Variants in AUTS2 observed in about 807,000 individuals in gnomAD.
The protein encoded by AUTS2 is autism susceptibility gene 2 protein.
AUTS2 carries 17 observed loss-of-function variants against 112.4 expected under a neutral mutation model. That is an observed-to-expected ratio of 0.15 (90% confidence interval 0.10 to 0.23). The LOEUF (loss-of-function observed/expected upper bound fraction) is 0.23. Ranked by LOEUF, AUTS2 falls within the 10% of genes least tolerant of loss-of-function variation. The pLI is 1.00. For missense variants in AUTS2, 1,510 were observed against 1,701.6 expected, an observed-to-expected ratio of 0.89 and a Z score of 1.98; for synonymous variants, 751 against 702.7, an observed-to-expected ratio of 1.07 and a Z score of -1.09.
At chr7:70,055,819 G>T (rs1179733056) in intron 2 of AUTS2, among the ~76,000 whole-genome samples, 1 of 152,050 alleles carries the variant, frequency 6.6e-6, no homozygotes, top group African/African-American at 2.4e-5. Flanking sequence ...CAGTCTGTTA[G>T]TCAGATGTAC....
chr7:69,703,250 A>G (rs894575703), intron 1 of AUTS2, among the ~76,000 whole-genome samples: 2 of 152,222 alleles, frequency 1.3e-5, no homozygotes, highest in African/African-American at 4.8e-5. Context: ...CTGCTGTGCA[A>G]ACCCAGAGGC....
intron 4 of AUTS2, among the ~76,000 whole-genome samples, chr7:70,323,704 G>A (rs981918177): frequency 2.0e-5 from 3 of 152,174 alleles, no homozygotes; most frequent in Non-Finnish European, 4.4e-5. Context: ...AGAGATAAAT[G>A]TGAATTCTGT....
intron 3 of AUTS2, among the ~76,000 whole-genome samples, chr7:70,122,795 A>T (rs539434955): frequency 6.7e-6 from 1 of 149,438 alleles, no homozygotes; most frequent in Admixed American, 6.7e-5. Context: ...TCCCTCACTC[A>T]TGTGCAGGTC....
intron 2 of AUTS2, among the ~76,000 whole-genome samples, chr7:69,994,011 G>A (rs1460608183): frequency 1.3e-5 from 2 of 152,080 alleles, no homozygotes; most frequent in Non-Finnish European, 2.9e-5. Context: ...AGAAAGTCTC[G>A]CTTGTGATGG....
chr7:70,435,207 G>A (rs1394893364), intron 4 of AUTS2, among the ~76,000 whole-genome samples: 1 of 152,226 alleles, frequency 6.6e-6, no homozygotes, highest in Non-Finnish European at 1.5e-5. Flanking sequence ...GCCATCACAA[G>A]TGGTGAGCCT....
chr7:70,290,743 T>C, intron 4 of AUTS2: 3 of 1,012,614 alleles, frequency 3.0e-6, no homozygotes, highest in Non-Finnish European at 2.6e-6. Context: ...GGCATTAAGC[T>C]ATGACTGTAA....
intron 1 of AUTS2, among the ~76,000 whole-genome samples, chr7:69,885,425 A>G: frequency 6.6e-6 from 1 of 152,222 alleles, no homozygotes. Flanking sequence ...TGAATTTTTC[A>G]GAAGGAGTTC....
At chr7:69,726,778 T>G (rs937292056) in intron 1 of AUTS2, among the ~76,000 whole-genome samples, 4 of 152,190 alleles carry the variant, frequency 2.6e-5, no homozygotes, top group African/African-American at 9.6e-5. Context: ...TGGTTTTAAT[T>G]TACATTTCTC....
At chr7:69,977,115 A>AT in intron 2 of AUTS2, among the ~76,000 whole-genome samples, 1 of 152,206 alleles carries the variant, frequency 6.6e-6, no homozygotes, top group Admixed American at 6.5e-5. Context: ...TGTTGAGTTA[A>AT]TTTTTGTATA....
chr7:70,240,248 C>A (rs1485208963), intron 4 of AUTS2, among the ~76,000 whole-genome samples: 1 of 152,178 alleles, frequency 6.6e-6, no homozygotes, highest in East Asian at 1.9e-4. Context: ...TTGATGTAAC[C>A]TGGTAACTAG....
At chr7:69,656,765 C>G (rs1475507760) in intron 1 of AUTS2, among the ~76,000 whole-genome samples, 3 of 152,086 alleles carry the variant, frequency 2.0e-5, no homozygotes, top group Non-Finnish European at 4.4e-5. Context: ...ATCACAAGCC[C>G]AACATGTGGC....
At chr7:70,246,361 T>C (rs1812924600) in intron 4 of AUTS2, among the ~76,000 whole-genome samples, 1 of 152,146 alleles carries the variant, frequency 6.6e-6, no homozygotes, top group Non-Finnish European at 1.5e-5. Flanking sequence ...GGAATTAATC[T>C]TCATGTATGA....
intron 4 of AUTS2, among the ~76,000 whole-genome samples, chr7:70,327,564 C>A (rs1481341347): frequency 6.6e-6 from 1 of 152,152 alleles, no homozygotes; most frequent in Admixed American, 6.6e-5. Context: ...CTTGTAACAT[C>A]TTTTCAGAAT....
At chr7:70,187,911 G>T (rs1406342217) in intron 4 of AUTS2, among the ~76,000 whole-genome samples, 1 of 151,494 alleles carries the variant, frequency 6.6e-6, no homozygotes, top group African/African-American at 2.4e-5. Flanking sequence ...AGCCCTGTTG[G>T]GCAATCGTTG....
At chr7:69,950,510 G>C (rs1348639838) in intron 2 of AUTS2, among the ~76,000 whole-genome samples, 1 of 152,182 alleles carries the variant, frequency 6.6e-6, no homozygotes, top group African/African-American at 2.4e-5. Flanking sequence ...TTGGGAGACA[G>C]TGTGTTAAGT....
At chr7:70,428,839 C>T (rs2130788918) in intron 4 of AUTS2, among the ~76,000 whole-genome samples, 1 of 152,272 alleles carries the variant, frequency 6.6e-6, no homozygotes, top group South Asian at 2.1e-4. Flanking sequence ...CCTAGAATTC[C>T]ATCTTGTTGC....
At position 69,863,900 on chromosome 7, in the gene AUTS2, T is replaced by C. The variant is rs140085597; in HGVS notation, c.310-35386T>C. 7.6e-3 allele frequency among the ~76,000 whole-genome samples: 1,158 copies of C among 152,332 alleles called. 12 individuals carry two copies. Among genetic ancestry groups the C allele is most frequent in the South Asian group, 0.039 (190 of 4,828 alleles). The stretch of plus-strand genomic sequence containing the variant: ...GGGAGAGGCTGACCATACAGACTTC[T>C]GACTTCTGCGTTTCATTCCCTGCTC... On this transcript the variant is annotated intron_variant, in intron 1 of 18. Coordinates refer to ENST00000342771, the MANE Select transcript of AUTS2 (RefSeq NM_015570.4).
At chr7:70,654,791 A>G (rs184688157) in intron 5 of AUTS2, among the ~76,000 whole-genome samples, 48 of 152,146 alleles carry the variant, frequency 3.2e-4, no homozygotes, top group African/African-American at 1.1e-3. Flanking sequence ...GTGGCACGTT[A>G]TTTTCTGTCT....
At chr7:70,779,986 G>T (rs1252365859) in intron 14 of AUTS2, among the ~76,000 whole-genome samples, 1 of 151,356 alleles carries the variant, frequency 6.6e-6, no homozygotes, top group Non-Finnish European at 1.5e-5. Context: ...CTGCATTTCA[G>T]TCTGGGCAAA....
Sources: allele counts gnomAD v4.1 joint callset (sites outside exome capture counted in the v4.1 genomes callset), GRCh38; gene constraint gnomAD v4.1.1; transcripts MANE v1.5; gene names NCBI Gene and HGNC (gene_info 2026-07-23, HGNC 2026-07-21).